DNAH1: variants seen among roughly 807,000 people sequenced by gnomAD.
DNAH1 encodes dynein axonemal heavy chain 1.
DNAH1 carries 327 observed loss-of-function variants against 484.3 expected under a neutral mutation model. That is an observed-to-expected ratio of 0.68 (90% CI 0.62 to 0.74). The LOEUF (loss-of-function observed/expected upper bound fraction) is 0.74. Among genes scored for constraint, DNAH1 ranks in the 30% least tolerant of loss-of-function variants. The probability of loss-of-function intolerance (pLI) is 0.00; values close to 1 mark genes in which losing one functional copy is unlikely to be tolerated. For synonymous variants in DNAH1, 2,192 were observed against 2,191.9 expected (o/e 1.00, Z 0.00); for missense variants, 5,052 against 5,546.8 (o/e 0.91, Z 2.83).
At position 52,346,690 on chromosome 3, in the gene DNAH1, C is replaced by G. The variant is rs751451217; in HGVS notation, c.1875C>G (p.Phe625Leu). 9.9e-6 allele frequency: 16 copies of G among 1,613,928 alleles called. No homozygotes were observed. The South Asian group carries it at 1.1e-4, about 11-fold the overall frequency. The change falls in exon 11 of 78, where the codon TTC becomes TTG. Residue 625 changes from phenylalanine (F) to leucine (L), a missense_variant. Physicochemically the swap from Phe to Leu is conservative, Grantham distance 22. Around this residue, in one of 4 missense-constraint regions of DNAH1, gnomAD observed 1,263 missense variants for 1,218.8 expected, o/e 1.04. Transcript: ENST00000420323. ...ACTCACTTGCCAGCTTCTCACAGTT[C>G]ATCAGCGACACCTGTTGCAGCGTGC... Reference protein sequence around the residue: ...VQDSLASFSQFISDTCCSVLN... With the variant: ...VQDSLASFSQLISDTCCSVLN...
At position 52,352,084 on chromosome 3, in the gene DNAH1, A is replaced by C; in HGVS notation, c.2852A>C (p.Glu951Ala). The change falls in exon 17 of 78, where the codon GAG becomes GCG. Residue 951 changes from glutamate to alanine, a missense_variant. Coordinates refer to ENST00000420323, the MANE Select transcript of DNAH1 (RefSeq NM_015512.5). Reference protein sequence around the residue: ...IQIMDQNNFQEKLEGLQLVVA... With the variant: ...IQIMDQNNFQAKLEGLQLVVA... ...ATCATGGATCAGAACAACTTCCAAG[A>C]GAAGCTGGAAGGGCTGCAGGTGGGG... 2 of 1,581,400 alleles carry C rather than the reference A, an allele frequency of 1.3e-6. No homozygotes were observed. Among genetic ancestry groups the C allele is most frequent in the East Asian group, 4.6e-5 (2 of 43,168 alleles).
chr3:52,345,523 C>A lies in DNAH1; in HGVS notation c.1473C>A (p.Phe491Leu). Residue 491 changes from phenylalanine to leucine, a missense_variant, in exon 10 of 78, where the codon TTC becomes TTA. Physicochemically the swap from Phe to Leu is conservative, Grantham distance 22. This residue lies in a region of DNAH1 where 1,263 missense variants were observed against 1,218.8 expected (regional missense o/e 1.04). Coordinates refer to ENST00000420323, the MANE Select transcript of DNAH1 (RefSeq NM_015512.5). ...RGLVSVPKYH[F>L]WEQKEDFTFV... The stretch of plus-strand genomic sequence containing the variant: ...TGGTGAGTGTCCCCAAGTACCACTT[C>A]TGGGAGCAGAAGGAGGACTTCACTT... The A allele has an allele frequency of 6.4e-7, 1 of 1,574,510 alleles. No individual in the cohort carries two copies. The highest frequency in any genetic ancestry group is 2.3e-5 in the East Asian group (1 of 42,596).
At position 52,358,874 on chromosome 3, in the gene DNAH1, C is replaced by A; in HGVS notation, c.4266+137C>A. On this transcript the variant is annotated intron_variant, in intron 25 of 77. Transcript: ENST00000420323. The surrounding 1 kb of genome is among the most constrained non-coding windows in gnomAD (Gnocchi z 4.2). ...GGGGGCTCAGGCGGGATTCTGGAGTCTTTCCTTTCCACACACACTCCAGAA... is the reference window on the plus strand; with the variant it reads ...GGGGGCTCAGGCGGGATTCTGGAGTATTTCCTTTCCACACACACTCCAGAA... 9.9e-7 allele frequency: 1 copy of A among 1,012,814 alleles called. No individual in the cohort carries two copies. Among genetic ancestry groups the A allele is most frequent in the Non-Finnish European group, 1.4e-6 (1 of 697,944 alleles). The allele number at this position is 1,012,814 out of a possible 1,614,324, so 62.7% of individuals were successfully genotyped here.
At position 52,380,074 on chromosome 3, in the gene DNAH1, G is replaced by T. The variant is rs1335758405; in HGVS notation, c.7547G>T (p.Gly2516Val). The change falls in exon 48 of 78, where the codon GGG (glycine) becomes GTG (valine). Residue 2516 changes from glycine to valine, a missense_variant. Physicochemically the swap from Gly to Val is moderately radical, Grantham distance 109 (BLOSUM62 -3). Transcript: ENST00000420323. The stretch of plus-strand genomic sequence containing the variant: ...TGCCCCTTCCAGCCCATTCTTTACG[G>T]GGACTTCATGTCACCAGGCTCCGAT... ...KVCPFQPILY[G>V]DFMSPGSDVK... The T allele has an allele frequency of 6.2e-7, 1 of 1,605,594 alleles. No homozygotes were observed. The highest frequency in any genetic ancestry group is 1.7e-5 in the Admixed American group (1 of 58,960).
At chr3:52,391,154 C>T (rs777420744) in intron 61 of DNAH1, 25 bp from the exon 62 acceptor site, 1 of 1,613,374 alleles carries the variant, frequency 6.2e-7, no homozygotes, top group Middle Eastern at 1.7e-4. Flanking sequence ...TCCCTGCAAC[C>T]CCTTCTTTTC....
chr3:52,350,477 G>A (rs927352115), intron 15 of DNAH1, 31 bp from the exon 16 acceptor site: 19 of 1,607,334 alleles, frequency 1.2e-5, no homozygotes, highest in South Asian at 6.6e-5. Flanking sequence ...CCTGGCACAC[G>A]TGAAGTTCTC....
chr3:52,341,192 C>T (rs762343641), intron 8 of DNAH1, among the ~76,000 whole-genome samples: 34 of 152,136 alleles, frequency 2.2e-4, no homozygotes, highest in Non-Finnish European at 4.4e-4. Flanking sequence ...TGCAGGACGC[C>T]CCAGGGTTGG....
chr3:52,348,524 A>G (rs753687164), intron 12 of DNAH1, among the ~76,000 whole-genome samples: 6 of 152,206 alleles, frequency 3.9e-5, no homozygotes, highest in Non-Finnish European at 7.3e-5. Context: ...GAGCCTCTGT[A>G]GCCCTAGCCC....
At chr3:52,315,766 G>A (rs147456994), upstream of DNAH1, among the ~76,000 whole-genome samples, 4 of 152,330 alleles carry the variant, frequency 2.6e-5, no homozygotes, top group Admixed American at 6.5e-5. Flanking sequence ...AAGTATGGTG[G>A]CCTTCAGGAC....
chr3:52,370,656 G>A, intron 40 of DNAH1, 21 bp downstream of exon 40: 1 of 1,604,222 alleles, frequency 6.2e-7, no homozygotes, highest in Non-Finnish European at 8.5e-7. Flanking sequence ...GCGGCCCCCA[G>A]GGACCAGGAG....
chr3:52,382,251 G>T, intron 49 of DNAH1, 69 bp from the exon 50 acceptor site: 11 of 1,611,952 alleles, frequency 6.8e-6, no homozygotes, highest in African/African-American at 1.3e-5. Flanking sequence ...GTAGGGTGTG[G>T]TCACCCACCA....
At position 52,355,285 on chromosome 3, in the gene DNAH1, C is replaced by T. The variant is rs940438368; in HGVS notation, c.3693+230C>T. Among the ~76,000 whole-genome samples, 1 of 152,188 alleles carries T rather than the reference C, an allele frequency of 6.6e-6. No individual in the cohort carries two copies. Among genetic ancestry groups the T allele is most frequent in the Non-Finnish European group, 1.5e-5 (1 of 68,032 alleles). On this transcript the variant is annotated intron_variant, in intron 21 of 77. Transcript: ENST00000420323. The surrounding 1 kb of genome is among the most constrained non-coding windows in gnomAD (Gnocchi z 4.5). ...CTACTGGATGAGGCAGATAAGGGTG[C>T]GTAGGGGCAGCATTTGGGTCCCAAA...
At chr3:52,383,294 T>A (rs764376652) in intron 50 of DNAH1, 92 bp from the exon 51 acceptor site, 35 of 1,167,960 alleles carry the variant, frequency 3.0e-5, no homozygotes, top group Non-Finnish European at 4.1e-5. Context: ...GTACAGTCTG[T>A]CAAATGGAGC....
At chr3:52,392,804 C>T in intron 64 of DNAH1, 26 bp from the exon 65 acceptor site, 1 of 540,296 alleles carries the variant, frequency 1.9e-6, no homozygotes, top group Non-Finnish European at 3.4e-6. Context: ...CTCTTTGACC[C>T]CTCCCCCCAC....
At chr3:52,347,323 G>A (rs1007429602) in intron 11 of DNAH1, among the ~76,000 whole-genome samples, 15 of 152,208 alleles carry the variant, frequency 9.9e-5, no homozygotes, top group Non-Finnish European at 1.8e-4. Context: ...CAGTGTGGCT[G>A]GAGTCAGGGA....
rs368933400 is a variant in DNAH1, at chr3:52,370,175, C to T, written c.6204C>T (p.Thr2068=). The T allele has an allele frequency of 1.8e-4, 284 of 1,613,892 alleles. No homozygotes were observed. Among genetic ancestry groups the T allele is most frequent in the Non-Finnish European group, 3.0e-5 (35 of 1,179,900 alleles). ...EVIASTNCNL[T]MSLLKLLDCF... is the part of the protein sequence containing the mutation. ...TCGCCTCAACCAACTGCAACCTGAC[C>T]ATGAGCCTCCTCAAGCTGCTGGACT... is the stretch of plus-strand genomic sequence containing the variant. The change falls in exon 39 of 78, where the codon ACC becomes ACT. Residue 2068 remains threonine, a synonymous_variant. Transcript: ENST00000420323.
At chr3:52,322,268 A>ACCACTCCC (rs1701175533) in intron 1 of DNAH1, 141 bp from the exon 2 acceptor site, 1 of 611,434 alleles carries the variant, frequency 1.6e-6, no homozygotes, top group Non-Finnish European at 2.8e-6. Flanking sequence ...TTAGGAGGAG[A>ACCACTCCC]CCACTCCCTC....
Position 52,394,534 on chromosome 3 carries a change from C to T in DNAH1, c.10696C>T (p.Leu3566=). Residue 3566 remains leucine, a synonymous_variant, in exon 67 of 78, where the codon CTG becomes TTG. Transcript: ENST00000420323. The part of the protein sequence containing the change: ...IMTENPAPDW[L]SDRAWRDILA... ...GACTGAGAATCCGGCACCGGACTGG[C>T]TGTCAGACCGGGCTTGGCGAGACAT... 1 of 1,614,028 alleles carries T rather than the reference C, an allele frequency of 6.2e-7. No individual in the cohort carries two copies. Among genetic ancestry groups the T allele is most frequent in the Non-Finnish European group, 8.5e-7 (1 of 1,179,870 alleles).
rs1256475715 is a variant in DNAH1, at chr3:52,386,198, G to A, written c.8664G>A (p.Val2888=). Residue 2888 remains valine, a synonymous_variant, in exon 55 of 78, where the codon GTG becomes GTA. Coordinates refer to ENST00000420323, the MANE Select transcript of DNAH1 (RefSeq NM_015512.5). ...TCGCCGAGGAGACCCGGAATTCAGT[G>A]CAGACAGAGGAGATCAAAGCCAATG... is the stretch of plus-strand genomic sequence containing the variant. ...TAIAEETRNS[V]QTEEIKANEK... 1.9e-6 allele frequency: 3 copies of A among 1,613,816 alleles called. No homozygotes were observed. In the Admixed American group the frequency reaches 5.0e-5, roughly 27 times the overall value.
Sources: allele counts gnomAD v4.1 joint callset (sites outside exome capture counted in the v4.1 genomes callset), GRCh38; gene constraint gnomAD v4.1.1; regional missense constraint gnomAD v4.1.1; non-coding constraint Gnocchi (gnomAD v3.1); transcripts MANE v1.5; gene names NCBI Gene and HGNC (gene_info 2026-07-23, HGNC 2026-07-21).